Variants in SYT2 observed in about 807,000 individuals in gnomAD.
SYT2 encodes the protein synaptotagmin-2.
SYT2 carries 15 observed loss-of-function variants against 39.9 expected under a neutral mutation model. The ratio of observed to expected loss-of-function variants is 0.38; its 90% confidence interval spans 0.25 to 0.58. The LOEUF (loss-of-function observed/expected upper bound fraction) is 0.58, where lower values mean the gene tolerates loss of function less well. Ranked by LOEUF, SYT2 falls within the 20% of genes least tolerant of loss-of-function variation. SYT2 has a pLI of 0.70. For missense variants in SYT2, 389 were observed against 530.3 expected, an observed-to-expected ratio of 0.73 and a Z score of 2.62; for synonymous variants, 181 against 204.5, an observed-to-expected ratio of 0.89 and a Z score of 0.98.
At position 202,604,347 on chromosome 1, in the gene SYT2, G is replaced by A. The variant is rs912246836; in HGVS notation, c.345+108C>T. Reference sequence around the variant, plus strand: ...ACTGAGAGAGCCAAGTTTTAAGGAGGGGAGCAGGTTTGGCTGTGGAAGCCC... The same window carrying A: ...ACTGAGAGAGCCAAGTTTTAAGGAGAGGAGCAGGTTTGGCTGTGGAAGCCC... On this transcript the variant is annotated intron_variant, in intron 3 of 8. Coordinates refer to ENST00000367268, the MANE Select transcript of SYT2 (RefSeq NM_177402.5). 9 of 1,115,296 alleles carry A rather than the reference G, an allele frequency of 8.1e-6. No individual in the cohort carries two copies. The East Asian group carries it at 2.1e-4, about 26-fold the overall frequency. 69.1% of individuals were successfully genotyped at this position (1,115,296 alleles called of 1,614,324 possible). A position where few individuals can be genotyped will look rare whatever the true frequency, so the allele number is the denominator to read the frequency against.
chr1:202,687,396 T>G (rs1305709208), intron 1 of SYT2, among the ~76,000 whole-genome samples: 1 of 152,126 alleles, frequency 6.6e-6, no homozygotes, highest in Non-Finnish European at 1.5e-5. Flanking sequence ...TTACTCTCAC[T>G]CTCTATCATG....
rs1175042362 is a variant in SYT2 at position 202,592,036 on chromosome 1, G to C, written c.*4721C>G. 6.5e-6 allele frequency: 1 copy of C among 152,866 alleles called. No individual in the cohort carries two copies. Among genetic ancestry groups the C allele is most frequent in the East Asian group, 1.9e-4 (1 of 5,194 alleles). 9.5% of individuals were successfully genotyped at this position (152,866 alleles called of 1,614,324 possible). On this transcript the variant is annotated 3_prime_UTR_variant, in exon 9 of 9. Transcript: ENST00000367268. ...AGGGAGCAGGAGGGAGTGACAACAG[G>C]TGAGCCCTTCAGAAGTGGTCTGTGG... is the stretch of plus-strand genomic sequence containing the variant.
intron 1 of SYT2, among the ~76,000 whole-genome samples, chr1:202,631,395 G>A (rs1307926684): frequency 2.6e-5 from 4 of 152,162 alleles, no homozygotes; most frequent in South Asian, 2.1e-4. Flanking sequence ...CTGCATCAGG[G>A]TTTCTAATGT....
At position 202,620,001 on chromosome 1, in the gene SYT2, T is replaced by C. The variant is rs142493589; in HGVS notation, c.-17-14212A>G. Among the ~76,000 whole-genome samples, 456 of 152,292 alleles carry C rather than the reference T, an allele frequency of 3.0e-3. 3 individuals are homozygous for C. Among genetic ancestry groups the C allele is most frequent in the African/African-American group, 0.01 (435 of 41,558 alleles). ...ATCAGAGTAAAGATCCGGGTCTAAATTTGACTGAGGCCAGGTCTCCTGCTC... is the reference window on the plus strand; with the variant it reads ...ATCAGAGTAAAGATCCGGGTCTAAACTTGACTGAGGCCAGGTCTCCTGCTC... On this transcript the variant is annotated intron_variant, in intron 1 of 8. Transcript: ENST00000367268.
At chr1:202,687,548 C>T (rs187166510) in intron 1 of SYT2, among the ~76,000 whole-genome samples, 10 of 151,428 alleles carry the variant, frequency 6.6e-5, no homozygotes, top group African/African-American at 9.7e-5. Context: ...GGCACCTCTG[C>T]GGAAGAGGGC....
At chr1:202,697,994 A>G (rs1214095469) in intron 1 of SYT2, among the ~76,000 whole-genome samples, 1 of 152,066 alleles carries the variant, frequency 6.6e-6, no homozygotes, top group Non-Finnish European at 1.5e-5. Context: ...CTTGGTACGG[A>G]CAGGAGGAGC....
intron 1 of SYT2, among the ~76,000 whole-genome samples, chr1:202,645,183 T>G (rs1692054590): frequency 6.6e-6 from 1 of 152,124 alleles, no homozygotes; most frequent in Non-Finnish European, 1.5e-5. Flanking sequence ...CAAGGTCAGA[T>G]GCTCAGCAGG....
At chr1:202,667,610 T>C (rs1344412387) in intron 1 of SYT2, among the ~76,000 whole-genome samples, 1 of 152,022 alleles carries the variant, frequency 6.6e-6, no homozygotes, top group African/African-American at 2.4e-5. Context: ...ACCATGAAGA[T>C]TACATCAATC....
intron 8 of SYT2, among the ~76,000 whole-genome samples, chr1:202,598,804 G>A (rs1572606626): frequency 6.6e-6 from 1 of 152,326 alleles, no homozygotes; most frequent in East Asian, 1.9e-4. Context: ...GATCAGAGGA[G>A]TAGATGGGAA....
At position 202,593,791 on chromosome 1, in the gene SYT2, G is replaced by C. The variant is rs376940749; in HGVS notation, c.*2966C>G. The C allele has an allele frequency of 6.6e-6, 1 of 152,010 alleles. No homozygotes were observed. 9.4% of individuals were successfully genotyped at this position (152,010 alleles called of 1,614,324 possible). A position where few individuals can be genotyped will look rare whatever the true frequency, so the allele number is the denominator to read the frequency against. On this transcript the variant is annotated 3_prime_UTR_variant, in exon 9 of 9. Coordinates refer to ENST00000367268, the MANE Select transcript of SYT2 (RefSeq NM_177402.5). ...GGATGGGATTAGGCTTGTTTTCATGGTCTCAGCTTCTCTAAAAATCACCTC... is the reference window on the plus strand; with the variant it reads ...GGATGGGATTAGGCTTGTTTTCATGCTCTCAGCTTCTCTAAAAATCACCTC...
At chr1:202,664,791 C>T (rs1370675741) in intron 1 of SYT2, among the ~76,000 whole-genome samples, 1 of 152,202 alleles carries the variant, frequency 6.6e-6, no homozygotes, top group Non-Finnish European at 1.5e-5. Context: ...TCCCAAGTGG[C>T]TGGGATTACA....
chr1:202,622,147 G>A (rs138212116), intron 1 of SYT2, among the ~76,000 whole-genome samples: 1,996 of 152,300 alleles, frequency 0.013, 45 homozygotes, highest in African/African-American at 0.046. Flanking sequence ...AGGTTAACCA[G>A]CAAGACACCT....
At position 202,614,524 on chromosome 1, in the gene SYT2, A is replaced by G. The variant is rs557186352; in HGVS notation, c.-17-8735T>C. Among the ~76,000 whole-genome samples, 1 of 152,256 alleles carries G rather than the reference A, an allele frequency of 6.6e-6. No homozygotes were observed. The highest frequency in any genetic ancestry group is 1.5e-5 in the Non-Finnish European group (1 of 68,046). On this transcript the variant is annotated intron_variant, in intron 1 of 8. Transcript: ENST00000367268. The surrounding 1 kb of genome is among the most constrained non-coding windows in gnomAD (Gnocchi z 4.0). ...GCTCATATCATGCTTCCCTCATGGA[A>G]TTTACCATGCACTTCACATAAGTGC... is the stretch of plus-strand genomic sequence containing the variant.
intron 1 of SYT2, among the ~76,000 whole-genome samples, chr1:202,634,049 C>G (rs1354076490): frequency 6.6e-6 from 1 of 152,236 alleles, no homozygotes; most frequent in Non-Finnish European, 1.5e-5. Flanking sequence ...GCTCTCTTAG[C>G]TGAGTCTCCT....
At chr1:202,637,324 C>G (rs1199792998) in intron 1 of SYT2, among the ~76,000 whole-genome samples, 7 of 152,170 alleles carry the variant, frequency 4.6e-5, no homozygotes, top group Non-Finnish European at 8.8e-5. Context: ...TGCACTCCAG[C>G]CTGGGCGACA....
chr1:202,619,432 T>A lies in SYT2; in HGVS notation c.-17-13643A>T, dbSNP rs544912059. ...GGCCACAGGTCAAGGTCTGAAGAGG[T>A]AGGGGTCTGGGAGGCCCCAACAAGG... is the stretch of plus-strand genomic sequence containing the variant. On this transcript the variant is annotated intron_variant, in intron 1 of 8. Transcript: ENST00000367268. Among the ~76,000 whole-genome samples, 189 of 152,088 alleles carry A rather than the reference T, an allele frequency of 1.2e-3. 1 individual carries two copies. In the South Asian group the frequency reaches 0.017, roughly 14 times the overall value.
At chr1:202,617,991 C>T (rs1377316287) in intron 1 of SYT2, among the ~76,000 whole-genome samples, 2 of 152,132 alleles carry the variant, frequency 1.3e-5, no homozygotes, top group South Asian at 2.1e-4. Flanking sequence ...CAACCTCTGC[C>T]TCCCAGGTTC....
intron 1 of SYT2, among the ~76,000 whole-genome samples, chr1:202,627,261 G>A (rs933052959): frequency 5.9e-5 from 9 of 152,224 alleles, no homozygotes; most frequent in African/African-American, 2.2e-4. Context: ...CACTAGGGCT[G>A]TGAGGTGGGA....
At chr1:202,632,052 G>T in intron 1 of SYT2, 1 of 985,438 alleles carries the variant, frequency 1.0e-6, no homozygotes, top group Non-Finnish European at 1.2e-6. Context: ...CTGCCACTCT[G>T]CAGGAAGGGG....
Sources: gnomAD v4.1 joint callset for allele counts (sites outside exome capture counted in the v4.1 genomes callset) on GRCh38, gnomAD v4.1.1 for gene constraint, Gnocchi (gnomAD v3.1) non-coding constraint, MANE v1.5 for transcripts, NCBI Gene and HGNC (gene_info 2026-07-23, HGNC 2026-07-21) for gene names.